The following XRN1 variants were observed in gnomAD, a reference collection of about 807,000 sequenced individuals.
XRN1 encodes strand-exchange protein 1 homolog.
In XRN1, 67 loss-of-function variants were observed where a neutral mutation model predicts 222.3. The ratio of observed to expected loss-of-function variants is 0.30; its 90% CI spans 0.25 to 0.37. The LOEUF is 0.37. Ranked by LOEUF, XRN1 falls within the 10% of genes least tolerant of loss-of-function variation. The probability of loss-of-function intolerance (pLI) is 1.00; values close to 1 mark genes in which losing one functional copy is unlikely to be tolerated. For missense variants in XRN1, 1,707 were observed against 2,000.2 expected (o/e 0.85, Z 2.80); for synonymous variants, 643 against 652.4 (o/e 0.99, Z 0.22).
At chr3:142,431,884 T>TTATATAA (rs2069570081) in intron 2 of XRN1, among the ~76,000 whole-genome samples, 7 of 62,886 alleles carry the variant, frequency 1.1e-4, no homozygotes, top group African/African-American at 7.4e-4. Context: ...ATTATATATA[T>TTATATAA]TATATATAAT....
At chr3:142,371,176 G>T in intron 26 of XRN1, 63 bp downstream of exon 26, 2 of 1,258,052 alleles carry the variant, frequency 1.6e-6, no homozygotes, top group Non-Finnish European at 2.3e-6. Flanking sequence ...GAAACCAGCT[G>T]CAGTTGTCAT....
At chr3:142,340,717 C>T (rs1175786354) in intron 33 of XRN1, among the ~76,000 whole-genome samples, 3 of 152,018 alleles carry the variant, frequency 2.0e-5, no homozygotes, top group African/African-American at 7.3e-5. Flanking sequence ...TACAATACAT[C>T]TGGCAGCAGA....
chr3:142,329,748 T>C (rs1402731856), intron 36 of XRN1, 133 bp from the exon 37 acceptor site: 5 of 760,262 alleles, frequency 6.6e-6, no homozygotes, highest in Non-Finnish European at 9.7e-6. Flanking sequence ...AGGCCACCCA[T>C]TATTAAATAA....
chr3:142,435,919 GC>G (rs1402697610), intron 1 of XRN1: 2 of 152,180 alleles, frequency 1.3e-5, no homozygotes, highest in African/African-American at 4.8e-5. Flanking sequence ...AATTAGCTGG[GC>G]GTGGTGGTGG....
At chr3:142,398,927 T>C (rs541772256) in intron 19 of XRN1, among the ~76,000 whole-genome samples, 2 of 151,794 alleles carry the variant, frequency 1.3e-5, no homozygotes, top group Non-Finnish European at 2.9e-5. Context: ...GGGAAACAAA[T>C]TTAAAACATA....
At chr3:142,427,793 T>A (rs750743737) in intron 2 of XRN1, among the ~76,000 whole-genome samples, 4 of 152,246 alleles carry the variant, frequency 2.6e-5, no homozygotes, top group Non-Finnish European at 5.9e-5. Context: ...GCCACCCCTT[T>A]GCAGCGTACC....
chr3:142,334,881 G>C (rs2065810574), intron 34 of XRN1, among the ~76,000 whole-genome samples: 2 of 151,022 alleles, frequency 1.3e-5, no homozygotes, highest in South Asian at 4.2e-4. Context: ...TGTTGCCCAG[G>C]CTGGAGTGCA....
chr3:142,307,563 A>T lies in XRN1; in HGVS notation c.*3948T>A, dbSNP rs1231642142. Reference sequence around the variant, plus strand: ...TTGGACTACTAAAACTATTTTATACATGTTTTTCTTCTTTAAGAAAAGGAT... The same window carrying T: ...TTGGACTACTAAAACTATTTTATACTTGTTTTTCTTCTTTAAGAAAAGGAT... On this transcript the variant is annotated 3_prime_UTR_variant, in exon 41 of 41. Transcript: ENST00000392981. The T allele has an allele frequency of 1.3e-5, 2 of 152,136 alleles. No individual in the cohort carries two copies. Among genetic ancestry groups the T allele is most frequent in the East Asian group, 3.9e-4 (2 of 5,194 alleles). 9.4% of individuals were successfully genotyped at this position (152,136 alleles called of 1,614,324 possible).
intron 20 of XRN1, among the ~76,000 whole-genome samples, chr3:142,396,008 G>C (rs1421375088): frequency 1.3e-5 from 2 of 152,064 alleles, no homozygotes; most frequent in African/African-American, 4.8e-5. Context: ...AAGTCAAATG[G>C]TCTCAGAGCA....
intron 22 of XRN1, among the ~76,000 whole-genome samples, chr3:142,382,530 A>T (rs2067340358): frequency 6.6e-6 from 1 of 152,152 alleles, no homozygotes; most frequent in Non-Finnish European, 1.5e-5. Flanking sequence ...TGTTTACATG[A>T]CATACTCCCA....
chr3:142,381,769 G>A (rs753540057), intron 22 of XRN1, among the ~76,000 whole-genome samples: 5 of 151,756 alleles, frequency 3.3e-5, no homozygotes, highest in Admixed American at 3.3e-4. Context: ...GTTTCGCTGT[G>A]TTGGCCAGCC....
chr3:142,414,498 T>A (rs2068709870), intron 13 of XRN1, among the ~76,000 whole-genome samples: 1 of 143,020 alleles, frequency 7.0e-6, no homozygotes, highest in Admixed American at 7.0e-5. Flanking sequence ...ATTTCCTGAA[T>A]TTTTTTTTTT....
chr3:142,399,822 G>A (rs1403451869), intron 19 of XRN1, among the ~76,000 whole-genome samples: 5 of 149,484 alleles, frequency 3.3e-5, no homozygotes, highest in Admixed American at 1.3e-4. Flanking sequence ...AAGACATTTC[G>A]GATGTGTAAT....
chr3:142,326,514 A>C (rs1250630442), intron 37 of XRN1, among the ~76,000 whole-genome samples: 2 of 152,094 alleles, frequency 1.3e-5, no homozygotes, highest in African/African-American at 4.8e-5. Context: ...GTATCCTACA[A>C]CTTCACTGAA....
intron 25 of XRN1, 27 bp downstream of exon 25, chr3:142,375,771 A>G: frequency 6.4e-7 from 1 of 1,568,940 alleles, no homozygotes; most frequent in South Asian, 1.2e-5. Flanking sequence ...TTTTGGAATG[A>G]CTACTAGTAT....
At chr3:142,430,204 G>A (rs1013895589) in intron 2 of XRN1, among the ~76,000 whole-genome samples, 1 of 152,044 alleles carries the variant, frequency 6.6e-6, no homozygotes, top group Non-Finnish European at 1.5e-5. Flanking sequence ...TATCCCTTAC[G>A]GCTCACCTAG....
chr3:142,400,374 A>C (rs1429953523), intron 19 of XRN1, 70 bp downstream of exon 19: 2 of 1,281,734 alleles, frequency 1.6e-6, no homozygotes, highest in African/African-American at 3.0e-5. Flanking sequence ...TAAAAAAATG[A>C]ATCAATAAAA....
intron 13 of XRN1, among the ~76,000 whole-genome samples, chr3:142,415,145 C>G (rs2068733072): frequency 1.3e-5 from 2 of 152,290 alleles, no homozygotes; most frequent in Middle Eastern, 3.4e-3. Context: ...AAGGATGAAA[C>G]CATGTATCGA....
At chr3:142,428,869 A>T (rs191612659) in intron 2 of XRN1, among the ~76,000 whole-genome samples, 1 of 152,334 alleles carries the variant, frequency 6.6e-6, no homozygotes, top group Admixed American at 6.5e-5. Context: ...GATCCACCAG[A>T]AAGATAAATT....
Sources: gnomAD v4.1 joint callset for allele counts (sites outside exome capture counted in the v4.1 genomes callset) on GRCh38, gnomAD v4.1.1 for gene constraint, MANE v1.5 for transcripts, NCBI Gene and HGNC (gene_info 2026-07-23, HGNC 2026-07-21) for gene names.